IL4R: variants seen among roughly 807,000 people sequenced by gnomAD.
The protein encoded by IL4R is interleukin 4 receptor, also known as interleukin-4 receptor subunit alpha.
IL4R carries 17 observed loss-of-function variants against 41.5 expected under a neutral mutation model. The observed-to-expected ratio is 0.41, with a 90% CI of 0.28 to 0.61. The LOEUF is 0.61. Ranked by LOEUF, IL4R falls within the 20% of genes least tolerant of loss-of-function variation. IL4R has a pLI of 0.31. For missense variants in IL4R, 974 were observed against 1,043.1 expected, an observed-to-expected ratio of 0.93 and a Z score of 0.91; for synonymous variants, 402 against 422.9, an observed-to-expected ratio of 0.95 and a Z score of 0.61.
intron 2 of IL4R, among the ~76,000 whole-genome samples, chr16:27,331,615 G>C (rs1330442398): frequency 6.6e-6 from 1 of 152,004 alleles, no homozygotes; most frequent in Non-Finnish European, 1.5e-5. Flanking sequence ...GTTGGTTGTT[G>C]TCATACATGA....
intron 8 of IL4R, 91 bp from the exon 9 acceptor site, chr16:27,358,825 A>C (rs972327231): frequency 1.4e-5 from 13 of 929,592 alleles, no homozygotes; most frequent in Non-Finnish European, 2.3e-5. Flanking sequence ...TCTGATGCCA[A>C]ATAAGTATTG....
At chr16:27,328,298 CAATGG>C (rs2085020661) in intron 1 of IL4R, among the ~76,000 whole-genome samples, 1 of 148,480 alleles carries the variant, frequency 6.7e-6, no homozygotes, top group Non-Finnish European at 1.5e-5. Context: ...GGCTGGAGTG[CAATGG>C]TGTGATCTCA....
intron 1 of IL4R, among the ~76,000 whole-genome samples, chr16:27,324,663 G>T (rs972484710): frequency 6.6e-6 from 1 of 152,222 alleles, no homozygotes; most frequent in Non-Finnish European, 1.5e-5. Context: ...TCCTGGGTAG[G>T]TGGCTTCTGG....
In IL4R at chr16:27,345,072, CTGGGCTGAGGGTGGGG is replaced by C; in HGVS notation, c.361+58_361+73del. The stretch of plus-strand genomic sequence containing the variant: ...TGGCTGGGTGTGTTCCCACAGCTGC[CTGGGCTGAGGGTGGGG>C]TGGGCAGGGGAGGAGGTGGGGTCAT... On this transcript the variant is annotated intron_variant, in intron 5 of 10. Transcript: ENST00000395762. This position sits in a 1 kb window ranked among gnomAD's most constrained non-coding sequence, Gnocchi z 4.5. 3.7e-6 allele frequency: 3 copies of C among 819,482 alleles called. No homozygotes were observed. Among genetic ancestry groups the C allele is most frequent in the African/African-American group, 2.0e-5 (1 of 50,478 alleles). 50.8% of individuals were successfully genotyped at this position (819,482 alleles called of 1,614,324 possible).
rs146226818 is a variant in IL4R, at chr16:27,363,458, C to G, written c.2106C>G (p.Pro702=). ...TTCCCCAGGAGCAGGCCACAGACCC[C>G]CTTGTGGACAGCCTGGGCAGTGGCA... ...PPLPQEQATD[P]LVDSLGSGIV... is the part of the protein sequence containing the mutation. The change falls in exon 11 of 11, where the codon CCC becomes CCG. Residue 702 remains proline (P), a synonymous_variant. Transcript: ENST00000395762. The G allele has an allele frequency of 2.5e-6, 4 of 1,614,124 alleles. No individual in the cohort carries two copies. In the Admixed American group the frequency reaches 6.7e-5, roughly 27 times the overall value.
In IL4R at chr16:27,363,347, G is replaced by A. The variant is rs763648386; in HGVS notation, c.1995G>A (p.Pro665=). Residue 665 remains proline (P), a synonymous_variant, in exon 11 of 11, where the codon CCG becomes CCA. Coordinates refer to ENST00000395762, the MANE Select transcript of IL4R (RefSeq NM_000418.4). ...TGGACAGGGAGCCACCTCGCAGTCC[G>A]CAGAGCTCACATCTCCCAAGCAGCT... is the stretch of plus-strand genomic sequence containing the variant. ...FGLDREPPRS[P]QSSHLPSSSP... The A allele has an allele frequency of 1.7e-5, 27 of 1,613,856 alleles. No individual in the cohort carries two copies. Among genetic ancestry groups the A allele is most frequent in the African/African-American group, 8.0e-5 (6 of 74,922 alleles).
chr16:27,342,243 G>T lies in IL4R; in HGVS notation c.193G>T (p.Val65Phe), dbSNP rs555743307. The T allele has an allele frequency of 1.1e-4, 177 of 1,614,208 alleles. No individual in the cohort carries two copies. In the South Asian group the frequency reaches 1.9e-3, roughly 17 times the overall value. The change falls in exon 4 of 11, where the codon GTT becomes TTT. Residue 65 changes from valine to phenylalanine, a missense_variant. By Grantham distance (50) the Val-to-Phe change is conservative (BLOSUM62 -1). Around this residue, in one of 3 missense-constraint regions of IL4R, gnomAD observed 284 missense variants for 313.4 expected, o/e 0.91. Coordinates refer to ENST00000395762, the MANE Select transcript of IL4R (RefSeq NM_000418.4). Reference sequence around the variant, plus strand: ...CGAGCTCCGCCTGTTGTACCAGCTGGTTTTTCTGCTCTCCGAGTAAGCCTG... The same window carrying T: ...CGAGCTCCGCCTGTTGTACCAGCTGTTTTTTCTGCTCTCCGAGTAAGCCTG... ...STELRLLYQL[V>F]FLLSEAHTCI...
intron 6 of IL4R, among the ~76,000 whole-genome samples, chr16:27,347,647 C>T (rs1212376122): frequency 1.3e-5 from 2 of 152,212 alleles, no homozygotes; most frequent in Non-Finnish European, 2.9e-5. Flanking sequence ...TTTCCTGCCA[C>T]CCATGTTTCC....
Position 27,344,926 on chromosome 16 carries a change from C to T in IL4R, c.267C>T (p.Leu89=), listed in dbSNP as rs368631624. 14 of 1,614,048 alleles carry T rather than the reference C, an allele frequency of 8.7e-6. No homozygotes were observed. The highest frequency in any genetic ancestry group is 1.3e-5 in the African/African-American group (1 of 74,942). The change falls in exon 5 of 11, where the codon CTC becomes CTT. Residue 89 remains leucine, a synonymous_variant. Transcript: ENST00000395762. ...NGGAGCVCHL[L]MDDVVSADNY... ...GCGCGGGGTGCGTGTGCCACCTGCT[C>T]ATGGATGACGTGGTCAGTGCGGATA... is the stretch of plus-strand genomic sequence containing the variant.
At chr16:27,346,384 G>C in intron 5 of IL4R, 83 bp from the exon 6 acceptor site, 1 of 1,442,516 alleles carries the variant, frequency 6.9e-7, no homozygotes. Context: ...CTGGGTGGTG[G>C]CTGTGGTTTG....
rs1445229574 is a variant in IL4R at position 27,345,857 on chromosome 16, AGCTACT to A, written c.362-609_362-604del. ...CATGGTGGCAGGCGCCTGTAATCCCAGCTACTTGGGAGGCTGAGGTAGGAGAATGGC... is the reference window on the plus strand; with the variant it reads ...CATGGTGGCAGGCGCCTGTAATCCCATGGGAGGCTGAGGTAGGAGAATGGC... On this transcript the variant is annotated intron_variant, in intron 5 of 10. Transcript: ENST00000395762. This position sits in a 1 kb window ranked among gnomAD's most constrained non-coding sequence, Gnocchi z 4.5. Among the ~76,000 whole-genome samples the A allele has an allele frequency of 2.0e-5, 3 of 152,186 alleles. No homozygotes were observed. The highest frequency in any genetic ancestry group is 2.9e-5 in the Non-Finnish European group (2 of 68,032).
At chr16:27,325,297 C>A (rs1258608677) in intron 1 of IL4R, among the ~76,000 whole-genome samples, 1 of 152,048 alleles carries the variant, frequency 6.6e-6, no homozygotes, top group African/African-American at 2.4e-5. Context: ...ATCTGCCAGA[C>A]GCAGTGGCTC....
At chr16:27,354,735 A>G (rs1317893690) in intron 7 of IL4R, among the ~76,000 whole-genome samples, 1 of 152,226 alleles carries the variant, frequency 6.6e-6, no homozygotes, top group Non-Finnish European at 1.5e-5. Context: ...AAGATTCTTC[A>G]ACGTGGTAGG....
chr16:27,355,349 G>A (rs2086024162), intron 7 of IL4R: 2 of 301,904 alleles, frequency 6.6e-6, no homozygotes, highest in African/African-American at 2.2e-5. Context: ...TAATGATGTG[G>A]ACAGGCCACT....
chr16:27,337,268 T>C (rs747800090), intron 2 of IL4R, among the ~76,000 whole-genome samples: 4 of 151,940 alleles, frequency 2.6e-5, no homozygotes, highest in Non-Finnish European at 5.9e-5. Flanking sequence ...GCTCCTGAGG[T>C]GGCCTTAAGT....
chr16:27,323,057 G>T lies in IL4R; in HGVS notation c.-151-7009G>T, dbSNP rs972780784. ...GTGTGTCCCCACCCATCCAGGAATG[G>T]TATGGGGTGAGACAACAGGAAGAGC... On this transcript the variant is annotated intron_variant, in intron 1 of 10. Transcript: ENST00000395762. Among the ~76,000 whole-genome samples the T allele has an allele frequency of 3.3e-5, 5 of 152,108 alleles. No individual in the cohort carries two copies. In the East Asian group the frequency reaches 5.8e-4, roughly 18 times the overall value.
Position 27,345,174 on chromosome 16 carries a change from C to T in IL4R, c.361+154C>T, listed in dbSNP as rs1207125759. 1.2e-6 allele frequency: 1 copy of T among 856,254 alleles called. No individual in the cohort carries two copies. Among genetic ancestry groups the T allele is most frequent in the Non-Finnish European group, 1.9e-6 (1 of 526,728 alleles). The allele number at this position is 856,254 out of a possible 1,614,324, so 53.0% of individuals were successfully genotyped here. A position where few individuals can be genotyped will look rare whatever the true frequency, so the allele number is the denominator to read the frequency against. ...AATCTGATGGGATTCCTGCCCCTGC[C>T]TGGGCCTCAGTCCTCCCACCTTTGA... On this transcript the variant is annotated intron_variant, in intron 5 of 10. Coordinates refer to ENST00000395762, the MANE Select transcript of IL4R (RefSeq NM_000418.4). The surrounding 1 kb of genome is among the most constrained non-coding windows in gnomAD (Gnocchi z 4.5).
At chr16:27,327,609 C>T (rs573161499) in intron 1 of IL4R, among the ~76,000 whole-genome samples, 10 of 152,190 alleles carry the variant, frequency 6.6e-5, no homozygotes, top group South Asian at 2.1e-4. Flanking sequence ...TGGGGCTCCC[C>T]GGACAAAGTT....
At chr16:27,333,437 G>A (rs893443200) in intron 2 of IL4R, among the ~76,000 whole-genome samples, 9 of 152,110 alleles carry the variant, frequency 5.9e-5, no homozygotes, top group African/African-American at 9.6e-5. Context: ...TGGAATCCAC[G>A]GTGGGCTCGG....
Sources: allele counts gnomAD v4.1 joint callset (sites outside exome capture counted in the v4.1 genomes callset), GRCh38; gene constraint gnomAD v4.1.1; regional missense constraint gnomAD v4.1.1; non-coding constraint Gnocchi (gnomAD v3.1); transcripts MANE v1.5; gene names NCBI Gene and HGNC (gene_info 2026-07-23, HGNC 2026-07-21).